The following CSMD3 variants were observed in gnomAD, a reference collection of about 807,000 sequenced individuals.
The protein encoded by CSMD3 is CUB and Sushi multiple domains 3.
Under a neutral mutation model 435.2 loss-of-function variants are expected in CSMD3, and 177 were observed. That is an observed-to-expected ratio of 0.41 (90% CI 0.36 to 0.46). The LOEUF is 0.46. Ranked by LOEUF, CSMD3 falls within the 20% of genes least tolerant of loss-of-function variation. The pLI is 0.34. For missense variants in CSMD3, 4,265 were observed against 4,504.6 expected (o/e 0.95, Z 1.52); for synonymous variants, 1,656 against 1,520.5 (o/e 1.09, Z -2.07).
intron 13 of CSMD3, among the ~76,000 whole-genome samples, chr8:112,798,582 G>A (rs1197008216): frequency 4.6e-5 from 7 of 151,756 alleles, no homozygotes; most frequent in African/African-American, 1.4e-4. Flanking sequence ...CTGAGCAGAC[G>A]GAGAACAATA....
At chr8:112,290,192 G>A (rs1417012821) in intron 56 of CSMD3, among the ~76,000 whole-genome samples, 1 of 152,076 alleles carries the variant, frequency 6.6e-6, no homozygotes, top group Admixed American at 6.6e-5. Flanking sequence ...TGAGTGATAG[G>A]TAGTTTCAGA....
chr8:112,843,537 A>G (rs1378436040), intron 11 of CSMD3, among the ~76,000 whole-genome samples: 1 of 151,968 alleles, frequency 6.6e-6, no homozygotes, highest in Non-Finnish European at 1.5e-5. Context: ...TGAAAAGTTT[A>G]TTCTGGATTT....
chr8:113,399,651 G>A (rs901435881), intron 1 of CSMD3, among the ~76,000 whole-genome samples: 5 of 151,832 alleles, frequency 3.3e-5, no homozygotes, highest in South Asian at 2.1e-4. Flanking sequence ...GAGGGTGAGG[G>A]GAGGATCGTG....
intron 11 of CSMD3, among the ~76,000 whole-genome samples, chr8:112,846,002 T>A (rs1172193636): frequency 6.6e-6 from 1 of 151,988 alleles, no homozygotes; most frequent in Non-Finnish European, 1.5e-5. Flanking sequence ...CTGGGGAGGA[T>A]AAAGTTTCAA....
intron 13 of CSMD3, among the ~76,000 whole-genome samples, chr8:112,739,791 C>T (rs745536005): frequency 6.6e-6 from 1 of 151,668 alleles, no homozygotes. Flanking sequence ...TTTTTTCTTA[C>T]ATAATATAAA....
intron 59 of CSMD3, among the ~76,000 whole-genome samples, chr8:112,278,044 T>C (rs1264753280): frequency 1.3e-5 from 2 of 152,208 alleles, no homozygotes; most frequent in African/African-American, 4.8e-5. Flanking sequence ...TCTTACCATG[T>C]GGGTAATCTT....
chr8:112,905,468 TC>T (rs1261118043), intron 10 of CSMD3, among the ~76,000 whole-genome samples: 1 of 151,320 alleles, frequency 6.6e-6, no homozygotes, highest in Non-Finnish European at 1.5e-5. Flanking sequence ...TTCTGGAATA[TC>T]TTTTTAAGGT....
At chr8:113,297,185 T>C (rs2093729151) in intron 2 of CSMD3, among the ~76,000 whole-genome samples, 1 of 152,144 alleles carries the variant, frequency 6.6e-6, no homozygotes, top group Non-Finnish European at 1.5e-5. Flanking sequence ...GTAGCTATTA[T>C]GAAATTAGGT....
At chr8:112,477,772 A>G (rs1409031594) in intron 31 of CSMD3, among the ~76,000 whole-genome samples, 4 of 152,178 alleles carry the variant, frequency 2.6e-5, no homozygotes, top group Non-Finnish European at 4.4e-5. Context: ...TATTTTCTTT[A>G]TAAATAACCT....
chr8:112,377,415 C>A (rs1401488436), intron 38 of CSMD3, among the ~76,000 whole-genome samples: 2 of 152,046 alleles, frequency 1.3e-5, no homozygotes, highest in Admixed American at 1.3e-4. Flanking sequence ...TGAATTCTAC[C>A]TTACACTTAA....
intron 27 of CSMD3, among the ~76,000 whole-genome samples, chr8:112,547,508 A>G (rs891012813): frequency 3.9e-5 from 6 of 152,112 alleles, no homozygotes; most frequent in Non-Finnish European, 8.8e-5. Flanking sequence ...TGATTGTGCC[A>G]CTGCACTGCA....
intron 27 of CSMD3, among the ~76,000 whole-genome samples, chr8:112,548,390 CT>C (rs1279151853): frequency 1.3e-5 from 2 of 152,118 alleles, no homozygotes. Context: ...TCTATTCCCC[CT>C]GGCATATTAA....
intron 45 of CSMD3, among the ~76,000 whole-genome samples, chr8:112,327,403 G>A (rs1049088109): frequency 2.6e-5 from 4 of 152,132 alleles, no homozygotes; most frequent in Non-Finnish European, 5.9e-5. Flanking sequence ...ACCTAAATAA[G>A]TGAAATGAGG....
At chr8:112,623,392 A>C (rs1422209438) in intron 22 of CSMD3, among the ~76,000 whole-genome samples, 1 of 152,124 alleles carries the variant, frequency 6.6e-6, no homozygotes, top group Non-Finnish European at 1.5e-5. Context: ...TTCCACACAA[A>C]AAAAATACCT....
intron 45 of CSMD3, among the ~76,000 whole-genome samples, chr8:112,327,005 G>T (rs1823578346): frequency 6.6e-6 from 1 of 152,148 alleles, no homozygotes; most frequent in African/African-American, 2.4e-5. Context: ...CTGGGCGACA[G>T]AGTGAGACCC....
chr8:113,390,808 A>T (rs2094458308), intron 1 of CSMD3, among the ~76,000 whole-genome samples: 1 of 152,104 alleles, frequency 6.6e-6, no homozygotes, highest in South Asian at 2.1e-4. Context: ...TTACACATTT[A>T]TTCTAATCAT....
At chr8:112,546,089 C>T (rs1315165014) in intron 27 of CSMD3, among the ~76,000 whole-genome samples, 3 of 152,152 alleles carry the variant, frequency 2.0e-5, no homozygotes, top group Admixed American at 1.3e-4. Context: ...AGAGAGTTTG[C>T]AAAGCAGTAG....
At position 113,218,828 on chromosome 8, in the gene CSMD3, T is replaced by A. The variant is rs189447380; in HGVS notation, c.515-44912A>T. Among the ~76,000 whole-genome samples the A allele has an allele frequency of 1.3e-3, 194 of 151,362 alleles. 3 individuals are homozygous for A. The highest frequency in any genetic ancestry group is 1.8e-4 in the Non-Finnish European group (12 of 67,482). The stretch of plus-strand genomic sequence containing the variant: ...CAATTTTTTTTCAGATTTGGAAACA[T>A]TTGCATATAAATAATGAGATATCTT... On this transcript the variant is annotated intron_variant, in intron 3 of 70. Transcript: ENST00000297405.
At chr8:112,589,518 G>A (rs544562580) in intron 22 of CSMD3, among the ~76,000 whole-genome samples, 2 of 152,116 alleles carry the variant, frequency 1.3e-5, no homozygotes, top group East Asian at 1.9e-4. Flanking sequence ...TAATTCTCAC[G>A]AATAATAGTC....
Sources: allele counts gnomAD v4.1 joint callset (sites outside exome capture counted in the v4.1 genomes callset), GRCh38; gene constraint gnomAD v4.1.1; transcripts MANE v1.5; gene names NCBI Gene and HGNC (gene_info 2026-07-23, HGNC 2026-07-21).